Variants in GAB2 observed in about 807,000 individuals in gnomAD.
GAB2 encodes GRB2 associated binding protein 2, also known as GRB2-associated-binding protein 2.
A neutral mutation model predicts 65.5 loss-of-function variants in GAB2; 26 were observed. The ratio of observed to expected loss-of-function variants is 0.40; its 90% CI spans 0.29 to 0.55. The LOEUF (loss-of-function observed/expected upper bound fraction) is 0.55, where lower values mean the gene tolerates loss of function less well. Ranked by LOEUF, GAB2 falls within the 20% of genes least tolerant of loss-of-function variation. The probability of loss-of-function intolerance (pLI) is 0.53; values close to 1 mark genes in which losing one functional copy is unlikely to be tolerated. For missense variants in GAB2, 884 were observed against 875.8 expected (o/e 1.01, Z -0.12); for synonymous variants, 321 against 329.6 (o/e 0.97, Z 0.28).
intron 2 of GAB2, among the ~76,000 whole-genome samples, chr11:78,278,306 G>A (rs2134580620): frequency 6.6e-6 from 1 of 152,108 alleles, no homozygotes; most frequent in South Asian, 2.1e-4. Context: ...CTGATCTTAG[G>A]TGATCCACCT....
chr11:78,412,946 A>C (rs1857147599), intron 1 of GAB2, among the ~76,000 whole-genome samples: 1 of 152,224 alleles, frequency 6.6e-6, no homozygotes, highest in South Asian at 2.1e-4. Context: ...AGATGATACC[A>C]CTAATGGGTT....
At chr11:78,404,705 A>T (rs1857018550) in intron 1 of GAB2, among the ~76,000 whole-genome samples, 1 of 152,278 alleles carries the variant, frequency 6.6e-6, no homozygotes, top group Admixed American at 6.5e-5. Context: ...AAGCTAAAAA[A>T]ACTGAACTCA....
intron 1 of GAB2, among the ~76,000 whole-genome samples, chr11:78,343,413 G>C (rs569945706): frequency 6.9e-6 from 1 of 145,368 alleles, no homozygotes; most frequent in Non-Finnish European, 1.5e-5. Flanking sequence ...GGAGGGGGAG[G>C]GAGGAGAGGG....
intron 3 of GAB2, among the ~76,000 whole-genome samples, chr11:78,244,584 A>C (rs1565123583): frequency 1.3e-5 from 2 of 149,686 alleles, no homozygotes; most frequent in South Asian, 2.2e-4. Context: ...GCAAAAAAAA[A>C]CAAATAATGG....
At chr11:78,228,245 A>G (rs1864745779) in intron 3 of GAB2, among the ~76,000 whole-genome samples, 1 of 152,186 alleles carries the variant, frequency 6.6e-6, no homozygotes, top group African/African-American at 2.4e-5. Flanking sequence ...GTGCTTTGGG[A>G]AATTGGAGGG....
intron 3 of GAB2, among the ~76,000 whole-genome samples, chr11:78,236,414 G>A (rs1385252121): frequency 6.6e-6 from 1 of 152,018 alleles, no homozygotes; most frequent in Non-Finnish European, 1.5e-5. Flanking sequence ...GCATCCTAAA[G>A]TGCTGGGATT....
chr11:78,226,393 G>T (rs897988295), intron 4 of GAB2, 72 bp downstream of exon 4: 8 of 1,210,876 alleles, frequency 6.6e-6, no homozygotes, highest in Non-Finnish European at 9.8e-6. Flanking sequence ...GATGACCAAG[G>T]ACCATCAAAC....
rs556444298 is a variant in GAB2 at position 78,227,134 on chromosome 11, A to G, written c.621-83T>C. 1.3e-4 allele frequency: 119 copies of G among 948,148 alleles called. 1 individual carries two copies. In the Middle Eastern group the frequency reaches 1.6e-3, roughly 13 times the overall value. 58.7% of individuals were successfully genotyped at this position (948,148 alleles called of 1,614,324 possible). ...TTGAGGCAAAGCACTTTCTCTTTCTATACTTTGGTTTAGGCATCTGTAAAA... is the reference window on the plus strand; with the variant it reads ...TTGAGGCAAAGCACTTTCTCTTTCTGTACTTTGGTTTAGGCATCTGTAAAA... On this transcript the variant is annotated intron_variant, in intron 3 of 9. Transcript: ENST00000361507.
chr11:78,263,047 GAA>G (rs1865775458), intron 2 of GAB2, among the ~76,000 whole-genome samples: 1 of 152,228 alleles, frequency 6.6e-6, no homozygotes. Context: ...CCTTTACAGA[GAA>G]AGTTTGCTGA....
chr11:78,285,880 C>T (rs372365629), intron 1 of GAB2, among the ~76,000 whole-genome samples: 33 of 152,330 alleles, frequency 2.2e-4, no homozygotes, highest in Middle Eastern at 3.4e-3. Flanking sequence ...TCTATTTCCT[C>T]GGAACCTTCA....
At chr11:78,357,675 C>G (rs1856377184) in intron 1 of GAB2, among the ~76,000 whole-genome samples, 1 of 152,182 alleles carries the variant, frequency 6.6e-6, no homozygotes, top group South Asian at 2.1e-4. Context: ...GACATTTATG[C>G]AGCCAACAGA....
intron 2 of GAB2, among the ~76,000 whole-genome samples, chr11:78,258,080 A>G (rs995979353): frequency 6.6e-6 from 1 of 152,202 alleles, no homozygotes; most frequent in Non-Finnish European, 1.5e-5. Context: ...ATACCATTTC[A>G]TCTTCCCAAG....
intron 5 of GAB2, 28 bp downstream of exon 5, chr11:78,225,080 G>T: frequency 2.0e-6 from 3 of 1,470,242 alleles, no homozygotes; most frequent in South Asian, 1.1e-5. Flanking sequence ...AGGCCGGCCT[G>T]AGGACCCTTG....
At chr11:78,343,433 G>A (rs1017568027) in intron 1 of GAB2, among the ~76,000 whole-genome samples, 1 of 151,544 alleles carries the variant, frequency 6.6e-6, no homozygotes. Context: ...GAGACAGAAG[G>A]AGGGAGAGGG....
chr11:78,350,136 G>A (rs546203893), intron 1 of GAB2, among the ~76,000 whole-genome samples: 18 of 152,196 alleles, frequency 1.2e-4, no homozygotes, highest in Admixed American at 2.6e-4. Context: ...TAAATTTACC[G>A]TCTTCCTATT....
At chr11:78,318,007 A>ACTAAGG (rs1278028233) in intron 1 of GAB2, 1 of 152,240 alleles carries the variant, frequency 6.6e-6, no homozygotes, top group Admixed American at 6.5e-5. Context: ...CAAATATTGT[A>ACTAAGG]CTAAGGGCTG....
chr11:78,370,302 T>G (rs1053574099), intron 1 of GAB2, among the ~76,000 whole-genome samples: 1 of 151,816 alleles, frequency 6.6e-6, no homozygotes, highest in African/African-American at 2.4e-5. Context: ...GACCTATATA[T>G]GCAAATACGG....
intron 1 of GAB2, among the ~76,000 whole-genome samples, chr11:78,287,041 T>C (rs930200568): frequency 6.6e-6 from 1 of 152,194 alleles, no homozygotes; most frequent in African/African-American, 2.4e-5. Context: ...TAAAAACACA[T>C]GACCAAATGG....
At chr11:78,395,922 T>C (rs1165171239) in intron 1 of GAB2, among the ~76,000 whole-genome samples, 1 of 152,240 alleles carries the variant, frequency 6.6e-6, no homozygotes, top group Admixed American at 6.5e-5. Flanking sequence ...CAACATATCC[T>C]TAGGGATCTG....
Sources: allele counts gnomAD v4.1 joint callset (sites outside exome capture counted in the v4.1 genomes callset), GRCh38; gene constraint gnomAD v4.1.1; transcripts MANE v1.5; gene names NCBI Gene and HGNC (gene_info 2026-07-23, HGNC 2026-07-21).